SLC9A2: variants seen among roughly 807,000 people sequenced by gnomAD.
The protein encoded by SLC9A2 is solute carrier family 9 member A2.
Under a neutral mutation model 71.7 loss-of-function variants are expected in SLC9A2, and 42 were observed. The ratio of observed to expected loss-of-function variants is 0.59; its 90% CI spans 0.46 to 0.76. The LOEUF (loss-of-function observed/expected upper bound fraction) is 0.76, where lower values mean the gene tolerates loss of function less well. Among genes scored for constraint, SLC9A2 ranks in the 30% least tolerant of loss-of-function variants. SLC9A2 has a pLI of 0.00. For synonymous variants in SLC9A2, 396 were observed against 392.5 expected, an observed-to-expected ratio of 1.01 and a Z score of -0.10; for missense variants, 829 against 1,017.4, an observed-to-expected ratio of 0.81 and a Z score of 2.52.
At chr2:102,700,606 G>A in intron 7 of SLC9A2, among the ~76,000 whole-genome samples, 1 of 152,120 alleles carries the variant, frequency 6.6e-6, no homozygotes, top group East Asian at 1.9e-4. Flanking sequence ...GGAGTATTGA[G>A]GCAATGTGAA....
intron 1 of SLC9A2, among the ~76,000 whole-genome samples, chr2:102,649,567 C>G (rs891012766): frequency 6.6e-6 from 1 of 151,988 alleles, no homozygotes; most frequent in Non-Finnish European, 1.5e-5. Flanking sequence ...TTTGCAGTCT[C>G]TCCATCTGAC....
At chr2:102,705,583 T>G (rs1677960312) in intron 10 of SLC9A2, among the ~76,000 whole-genome samples, 1 of 152,200 alleles carries the variant, frequency 6.6e-6, no homozygotes, top group South Asian at 2.1e-4. Flanking sequence ...AGCTTTTCTT[T>G]GAGAAGACCC....
At chr2:102,698,245 A>C (rs1677804698) in intron 7 of SLC9A2, among the ~76,000 whole-genome samples, 1 of 152,232 alleles carries the variant, frequency 6.6e-6, no homozygotes, top group Admixed American at 6.5e-5. Flanking sequence ...CCAAAAACCA[A>C]GCACATTCAG....
At chr2:102,695,201 G>T in intron 7 of SLC9A2, 88 bp downstream of exon 7, 1 of 951,724 alleles carries the variant, frequency 1.1e-6, no homozygotes. Context: ...TTTTTAATTG[G>T]AAATCTTTCC....
chr2:102,673,271 T>C (rs181118185), intron 3 of SLC9A2, among the ~76,000 whole-genome samples: 6 of 152,272 alleles, frequency 3.9e-5, no homozygotes, highest in Admixed American at 3.9e-4. Context: ...CTAGGAAAAA[T>C]TGGTACAACG....
intron 2 of SLC9A2, among the ~76,000 whole-genome samples, chr2:102,663,836 T>C (rs900688376): frequency 1.3e-5 from 2 of 152,160 alleles, no homozygotes; most frequent in African/African-American, 4.8e-5. Context: ...TTGCTTCTCT[T>C]GTGAAAAGAA....
intron 3 of SLC9A2, among the ~76,000 whole-genome samples, chr2:102,666,441 C>G (rs1677144813): frequency 6.6e-6 from 1 of 152,116 alleles, no homozygotes; most frequent in South Asian, 2.1e-4. Context: ...ACGCGATCCA[C>G]CCCCCTTGGC....
intron 1 of SLC9A2, among the ~76,000 whole-genome samples, chr2:102,627,346 C>G (rs1676270414): frequency 6.6e-6 from 1 of 151,956 alleles, no homozygotes. Context: ...CAAACTGTTC[C>G]TTGGGTGATA....
rs1013088020 is a variant in SLC9A2 at position 102,710,669 on chromosome 2, T to C, written c.*2180T>C. On this transcript the variant is annotated 3_prime_UTR_variant, in exon 12 of 12. Transcript: ENST00000233969. ...AAAATAAATTTGACTTTAGCTTTTT[T>C]TCTATACTTTCCTCTTTTTGTAATT... The C allele has an allele frequency of 6.6e-6, 1 of 152,306 alleles. No homozygotes were observed. Among genetic ancestry groups the C allele is most frequent in the African/African-American group, 2.4e-5 (1 of 41,468 alleles). The allele number at this position is 152,306 out of a possible 1,614,324, so 9.4% of individuals were successfully genotyped here.
In SLC9A2 at chr2:102,680,038, C is replaced by T. The variant is rs566238071; in HGVS notation, c.1005-3223C>T. Among the ~76,000 whole-genome samples the T allele has an allele frequency of 3.5e-4, 53 of 152,148 alleles. No homozygotes were observed. The South Asian group carries it at 5.6e-3, about 16-fold the overall frequency. Reference sequence around the variant, plus strand: ...GGTGTTCATGTCTTTCCATATTTGTCTATAAGTTAAAGTGCTTTATAATAA... The same window carrying T: ...GGTGTTCATGTCTTTCCATATTTGTTTATAAGTTAAAGTGCTTTATAATAA... On this transcript the variant is annotated intron_variant, in intron 3 of 11. Coordinates refer to ENST00000233969, the MANE Select transcript of SLC9A2 (RefSeq NM_003048.6).
chr2:102,672,350 T>A (rs1331527629), intron 3 of SLC9A2, among the ~76,000 whole-genome samples: 1 of 143,468 alleles, frequency 7.0e-6, no homozygotes, highest in Non-Finnish European at 1.5e-5. Context: ...TGATGATTCC[T>A]ATTAGACACT....
chr2:102,643,330 T>C (rs1267666977), intron 1 of SLC9A2, among the ~76,000 whole-genome samples: 4 of 152,192 alleles, frequency 2.6e-5, no homozygotes, highest in Admixed American at 2.0e-4. Context: ...CTGGTGAGGA[T>C]GGAATCTAAA....
At chr2:102,653,179 G>T (rs540064845) in intron 1 of SLC9A2, among the ~76,000 whole-genome samples, 48 of 152,292 alleles carry the variant, frequency 3.2e-4, no homozygotes, top group African/African-American at 1.1e-3. Context: ...TTGTGTGACA[G>T]CCCTTCATTT....
chr2:102,626,484 G>A (rs1468650148), intron 1 of SLC9A2, among the ~76,000 whole-genome samples: 2 of 152,148 alleles, frequency 1.3e-5, no homozygotes, highest in Non-Finnish European at 2.9e-5. Context: ...AGAAAACCTA[G>A]GCAATACCAT....
At chr2:102,706,325 CA>C (rs1321449192) in intron 11 of SLC9A2, among the ~76,000 whole-genome samples, 2 of 2,620 alleles carry the variant, frequency 7.6e-4, no homozygotes, top group South Asian at 0.013. Flanking sequence ...GACTCCGTCT[CA>C]AAAAAAAAAA....
At chr2:102,695,793 AT>A (rs1677750610) in intron 7 of SLC9A2, among the ~76,000 whole-genome samples, 2 of 40,068 alleles carry the variant, frequency 5.0e-5, no homozygotes, top group African/African-American at 1.6e-4. Flanking sequence ...TATATATTAT[AT>A]ATATATTATA....
intron 5 of SLC9A2, among the ~76,000 whole-genome samples, chr2:102,693,123 TTC>T (rs1433000097): frequency 1.3e-5 from 2 of 152,080 alleles, no homozygotes; most frequent in East Asian, 3.8e-4. Context: ...TAGGTGTTTA[TTC>T]TGTTTCATTT....
chr2:102,638,828 A>G (rs1399711065), intron 1 of SLC9A2, among the ~76,000 whole-genome samples: 1 of 152,258 alleles, frequency 6.6e-6, no homozygotes. Context: ...CAAAGAATTT[A>G]ACAGTCTTAA....
intron 1 of SLC9A2, among the ~76,000 whole-genome samples, chr2:102,642,732 A>C (rs953906613): frequency 1.3e-5 from 2 of 152,254 alleles, no homozygotes; most frequent in Non-Finnish European, 2.9e-5. Context: ...GAAGTTGTAT[A>C]GAATTGCTTT....
Sources: gnomAD v4.1 joint callset for allele counts (sites outside exome capture counted in the v4.1 genomes callset) on GRCh38, gnomAD v4.1.1 for gene constraint, MANE v1.5 for transcripts, NCBI Gene and HGNC (gene_info 2026-07-23, HGNC 2026-07-21) for gene names.